Variants in EXOC4 observed in about 807,000 individuals in gnomAD.
EXOC4 encodes exocyst complex component 4, also known as SEC8-like 1.
Under a neutral mutation model 107.2 loss-of-function variants are expected in EXOC4, and 71 were observed. That is an observed-to-expected ratio of 0.66 (90% CI 0.55 to 0.81). The LOEUF is 0.81. Among genes scored for constraint, EXOC4 ranks in the 30% least tolerant of loss-of-function variants. The pLI is 0.00. For synonymous variants in EXOC4, 456 were observed against 441.2 expected (o/e 1.03, Z -0.42); for missense variants, 1,108 against 1,189.6 (o/e 0.93, Z 1.01).
At chr7:133,601,060 A>G (rs1046670358) in intron 9 of EXOC4, among the ~76,000 whole-genome samples, 2 of 152,238 alleles carry the variant, frequency 1.3e-5, no homozygotes, top group East Asian at 3.8e-4. Flanking sequence ...ACAGATGTAC[A>G]CTGCGTTGCC....
chr7:133,984,749 C>T (rs1379445732), intron 14 of EXOC4, among the ~76,000 whole-genome samples: 2 of 152,144 alleles, frequency 1.3e-5, no homozygotes, highest in Non-Finnish European at 1.5e-5. Context: ...TACCAGGGCT[C>T]GAAGGATGGC....
chr7:133,882,896 G>A (rs757300781), intron 11 of EXOC4, among the ~76,000 whole-genome samples: 5 of 152,120 alleles, frequency 3.3e-5, no homozygotes, highest in Admixed American at 1.3e-4. Context: ...TCCCACGAAC[G>A]GACATAACTT....
intron 1 of EXOC4, 198 bp downstream of exon 1, chr7:133,253,385 G>A (rs1247242003): frequency 7.4e-7 from 1 of 1,355,358 alleles, no homozygotes; most frequent in African/African-American, 1.5e-5. Flanking sequence ...GTTAGCTATA[G>A]AGAGAGGAGC....
At chr7:133,745,915 T>C (rs1795667263) in intron 10 of EXOC4, among the ~76,000 whole-genome samples, 1 of 152,130 alleles carries the variant, frequency 6.6e-6, no homozygotes, top group Admixed American at 6.6e-5. Flanking sequence ...AAGTACGTGT[T>C]AAGTGAATAT....
intron 3 of EXOC4, among the ~76,000 whole-genome samples, chr7:133,292,672 A>G (rs1011512957): frequency 1.3e-5 from 2 of 152,148 alleles, no homozygotes; most frequent in Non-Finnish European, 2.9e-5. Flanking sequence ...TCAGATAGCT[A>G]GGTGCTTTTC....
intron 11 of EXOC4, among the ~76,000 whole-genome samples, chr7:133,833,853 C>T (rs1315189774): frequency 6.6e-6 from 1 of 152,190 alleles, no homozygotes; most frequent in Non-Finnish European, 1.5e-5. Flanking sequence ...ATGCAAGTCA[C>T]CGTACCTGGC....
intron 11 of EXOC4, among the ~76,000 whole-genome samples, chr7:133,842,828 G>A (rs1026586244): frequency 6.6e-5 from 10 of 152,060 alleles, no homozygotes; most frequent in Non-Finnish European, 1.2e-4. Flanking sequence ...TATAAATAAC[G>A]AAGGGGTCCA....
chr7:133,447,767 A>T (rs1798252065), intron 7 of EXOC4, among the ~76,000 whole-genome samples: 1 of 152,012 alleles, frequency 6.6e-6, no homozygotes, highest in Admixed American at 6.6e-5. Flanking sequence ...TATTGGATTC[A>T]TATCATAATT....
At chr7:134,054,483 C>T (rs1190399467) in intron 17 of EXOC4, among the ~76,000 whole-genome samples, 1 of 152,060 alleles carries the variant, frequency 6.6e-6, no homozygotes, top group African/African-American at 2.4e-5. Flanking sequence ...GTGATTTTTC[C>T]TTTCTTGTTG....
chr7:133,797,102 C>G (rs1796833140), intron 10 of EXOC4, among the ~76,000 whole-genome samples: 1 of 152,148 alleles, frequency 6.6e-6, no homozygotes, highest in African/African-American at 2.4e-5. Context: ...TTTGAAATCC[C>G]TGACCGGCTT....
chr7:133,854,487 AAAG>A (rs1437825021), intron 11 of EXOC4, among the ~76,000 whole-genome samples: 1 of 151,864 alleles, frequency 6.6e-6, no homozygotes, highest in Non-Finnish European at 1.5e-5. Flanking sequence ...CTGTGAAGCT[AAAG>A]AAGAGTGCAA....
intron 5 of EXOC4, among the ~76,000 whole-genome samples, chr7:133,327,445 T>C (rs1795275669): frequency 6.6e-6 from 1 of 152,208 alleles, no homozygotes; most frequent in African/African-American, 2.4e-5. Context: ...CCTTCATTTC[T>C]GCTCTGATCT....
chr7:133,775,692 T>G (rs1585136569), intron 10 of EXOC4, among the ~76,000 whole-genome samples: 1 of 152,198 alleles, frequency 6.6e-6, no homozygotes, highest in Non-Finnish European at 1.5e-5. Flanking sequence ...CAGGATTTTT[T>G]CCCTATCCAT....
At chr7:133,913,239 A>G (rs1298428236) in intron 12 of EXOC4, among the ~76,000 whole-genome samples, 1 of 152,222 alleles carries the variant, frequency 6.6e-6, no homozygotes, top group Admixed American at 6.5e-5. Context: ...ATAGCAGGAG[A>G]TAAAGCTGAA....
intron 16 of EXOC4, among the ~76,000 whole-genome samples, chr7:134,006,559 C>T (rs1236120210): frequency 6.6e-6 from 1 of 152,050 alleles, no homozygotes; most frequent in Admixed American, 6.6e-5. Context: ...TCTACTTTCA[C>T]CTTAATCAAG....
chr7:133,854,804 G>T (rs1310422143), intron 11 of EXOC4, among the ~76,000 whole-genome samples: 1 of 144,488 alleles, frequency 6.9e-6, no homozygotes, highest in Non-Finnish European at 1.5e-5. Context: ...TTATTCCCTA[G>T]AAGCCAATAA....
chr7:133,291,333 A>G (rs1794399642), intron 3 of EXOC4, among the ~76,000 whole-genome samples: 1 of 151,420 alleles, frequency 6.6e-6, no homozygotes, highest in Non-Finnish European at 1.5e-5. Context: ...AGAAATTAAA[A>G]ATCGTAATGC....
At chr7:133,337,092 A>AT (rs1411801210) in intron 5 of EXOC4, among the ~76,000 whole-genome samples, 3 of 151,982 alleles carry the variant, frequency 2.0e-5, no homozygotes, top group Admixed American at 6.5e-5. Flanking sequence ...TATTTAGACA[A>AT]TTTTTCACTC....
At chr7:134,000,826 A>C (rs1179440571) in intron 15 of EXOC4, among the ~76,000 whole-genome samples, 1 of 152,184 alleles carries the variant, frequency 6.6e-6, no homozygotes, top group African/African-American at 2.4e-5. Context: ...AGATAGAAGA[A>C]AACAATTCAT....
Sources: allele counts gnomAD v4.1 joint callset (sites outside exome capture counted in the v4.1 genomes callset), GRCh38; gene constraint gnomAD v4.1.1; transcripts MANE v1.5; gene names NCBI Gene and HGNC (gene_info 2026-07-23, HGNC 2026-07-21).